Variants in PTPRN2 observed in about 807,000 individuals in gnomAD.
PTPRN2 encodes the protein protein tyrosine phosphatase receptor type N2, also known as receptor-type tyrosine-protein phosphatase N2.
PTPRN2 carries 74 observed loss-of-function variants against 118.8 expected under a neutral mutation model. The observed-to-expected ratio is 0.62, with a 90% confidence interval of 0.52 to 0.76. The LOEUF is 0.76. Ranked by LOEUF, PTPRN2 falls within the 30% of genes least tolerant of loss-of-function variation. The probability of loss-of-function intolerance (pLI) is 0.00; values close to 1 mark genes in which losing one functional copy is unlikely to be tolerated. For synonymous variants in PTPRN2, 641 were observed against 608.0 expected, an observed-to-expected ratio of 1.05 and a Z score of -0.80; for missense variants, 1,481 against 1,394.4, an observed-to-expected ratio of 1.06 and a Z score of -0.99.
At chr7:158,516,000 T>C (rs1201981128) in intron 1 of PTPRN2, among the ~76,000 whole-genome samples, 1 of 152,074 alleles carries the variant, frequency 6.6e-6, no homozygotes, top group African/African-American at 2.4e-5. Flanking sequence ...CTTTTCACTG[T>C]CCCCCTCCCC....
chr7:158,422,307 CTT>C (rs1338265045), intron 2 of PTPRN2, among the ~76,000 whole-genome samples: 2 of 152,218 alleles, frequency 1.3e-5, no homozygotes, highest in Non-Finnish European at 2.9e-5. Context: ...GGCTTGAACT[CTT>C]TGGCCAGCTT....
chr7:157,747,762 C>T (rs576614593), intron 12 of PTPRN2, among the ~76,000 whole-genome samples: 38 of 109,416 alleles, frequency 3.5e-4, no homozygotes, highest in South Asian at 2.8e-3. Flanking sequence ...CTGGGCTGTC[C>T]GGGTGATTCT....
chr7:158,471,720 C>A (rs1733135), intron 2 of PTPRN2, among the ~76,000 whole-genome samples: 105,353 of 151,264 alleles, frequency 0.7, 36,786 homozygotes, highest in Admixed American at 0.78. Context: ...AAAAAAAAAA[C>A]CTTACTAACA....
At chr7:157,835,390 G>C (rs1353191287) in intron 12 of PTPRN2, among the ~76,000 whole-genome samples, 1 of 152,190 alleles carries the variant, frequency 6.6e-6, no homozygotes, top group Non-Finnish European at 1.5e-5. Flanking sequence ...TACAATAGCA[G>C]AGTTAAAATT....
At chr7:158,312,587 TCCC>T (rs199913764) in intron 3 of PTPRN2, among the ~76,000 whole-genome samples, 1,731 of 148,580 alleles carry the variant, frequency 0.012, 42 homozygotes, top group African/African-American at 0.039. Flanking sequence ...ACTCAAACAC[TCCC>T]CCCATGTGAG....
chr7:158,478,370 C>T (rs1254850569), intron 2 of PTPRN2, among the ~76,000 whole-genome samples: 1 of 152,164 alleles, frequency 6.6e-6, no homozygotes, highest in African/African-American at 2.4e-5. Context: ...TGATCATTCT[C>T]CTGGCATTCG....
At chr7:158,481,614 C>T (rs1042573525) in intron 2 of PTPRN2, among the ~76,000 whole-genome samples, 1 of 152,184 alleles carries the variant, frequency 6.6e-6, no homozygotes, top group South Asian at 2.1e-4. Context: ...CAGGCACATG[C>T]CACCATGCCC....
At chr7:157,858,283 G>A (rs1435293634) in intron 12 of PTPRN2, among the ~76,000 whole-genome samples, 34 of 842 alleles carry the variant, frequency 0.04, 11 homozygotes, top group Non-Finnish European at 0.048. Flanking sequence ...GGAGAGCCCC[G>A]GCCACCACCC....
intron 11 of PTPRN2, among the ~76,000 whole-genome samples, chr7:158,074,795 CTG>C (rs1812218943): frequency 6.6e-6 from 1 of 152,244 alleles, no homozygotes; most frequent in Non-Finnish European, 1.5e-5. Flanking sequence ...GCAGCACCCT[CTG>C]CCAGCAGGAT....
intron 12 of PTPRN2, chr7:157,739,013 A>G (rs1800468125): frequency 6.6e-6 from 1 of 152,220 alleles, no homozygotes; most frequent in South Asian, 2.1e-4. Flanking sequence ...GGCTCCTGCA[A>G]TTCAGATAGT....
intron 3 of PTPRN2, among the ~76,000 whole-genome samples, chr7:158,208,629 C>G (rs1042328884): frequency 1.3e-5 from 2 of 152,116 alleles, no homozygotes; most frequent in African/African-American, 4.8e-5. Flanking sequence ...CAACAGCAGA[C>G]CTGTCCTATA....
intron 2 of PTPRN2, among the ~76,000 whole-genome samples, chr7:158,430,096 T>C (rs1586656335): frequency 6.6e-6 from 1 of 151,986 alleles, no homozygotes; most frequent in South Asian, 2.1e-4. Flanking sequence ...TTAGTAGAGA[T>C]GGGGTTTCAC....
chr7:157,979,958 G>A (rs1412073892), intron 11 of PTPRN2, among the ~76,000 whole-genome samples: 5 of 152,194 alleles, frequency 3.3e-5, no homozygotes, highest in Admixed American at 6.5e-5. Context: ...GTTCGGGGTA[G>A]TGTGTTGTAT....
At chr7:158,150,458 G>A (rs143125912) in intron 6 of PTPRN2, among the ~76,000 whole-genome samples, 6 of 152,266 alleles carry the variant, frequency 3.9e-5, no homozygotes, top group South Asian at 2.1e-4. Flanking sequence ...TGGCACTGAC[G>A]CAGCAGGCGG....
chr7:158,080,807 C>G (rs1206767284), intron 11 of PTPRN2, among the ~76,000 whole-genome samples: 1 of 152,174 alleles, frequency 6.6e-6, no homozygotes, highest in Non-Finnish European at 1.5e-5. Flanking sequence ...GGAAGTCGGC[C>G]GGTTTTTACT....
chr7:158,462,362 C>T (rs1433553553), intron 2 of PTPRN2, among the ~76,000 whole-genome samples: 1 of 152,198 alleles, frequency 6.6e-6, no homozygotes, highest in East Asian at 1.9e-4. Context: ...CTTCTACTAT[C>T]TGGCATTTGT....
At chr7:157,802,198 C>A (rs930311682) in intron 12 of PTPRN2, among the ~76,000 whole-genome samples, 1 of 152,206 alleles carries the variant, frequency 6.6e-6, no homozygotes, top group East Asian at 1.9e-4. Flanking sequence ...GTTGAGGCCG[C>A]GTCGCTGAAA....
intron 12 of PTPRN2, among the ~76,000 whole-genome samples, chr7:157,879,167 C>T (rs551609343): frequency 5.6e-5 from 8 of 142,856 alleles, no homozygotes; most frequent in African/African-American, 1.6e-4. Flanking sequence ...AGTGTGATAC[C>T]GTGCACCCAC....
At chr7:158,253,666 C>A (rs1035088050) in intron 3 of PTPRN2, among the ~76,000 whole-genome samples, 3 of 152,134 alleles carry the variant, frequency 2.0e-5, no homozygotes. Context: ...GGCACACAGG[C>A]GAGGCAAGAC....
Sources: gnomAD v4.1 joint callset for allele counts (sites outside exome capture counted in the v4.1 genomes callset) on GRCh38, gnomAD v4.1.1 for gene constraint, MANE v1.5 for transcripts, NCBI Gene and HGNC (gene_info 2026-07-23, HGNC 2026-07-21) for gene names.